The following KCNJ4 variants were observed in gnomAD, a reference collection of about 807,000 sequenced individuals.
KCNJ4 encodes the protein inward rectifier potassium channel 4.
A neutral mutation model predicts 25.6 loss-of-function variants in KCNJ4; 3 were observed. The ratio of observed to expected loss-of-function variants is 0.12; its 90% confidence interval spans 0.05 to 0.30. The LOEUF (loss-of-function observed/expected upper bound fraction) is 0.30. Among genes scored for constraint, KCNJ4 ranks in the 10% least tolerant of loss-of-function variants. The probability of loss-of-function intolerance (pLI) is 1.00; values close to 1 mark genes in which losing one functional copy is unlikely to be tolerated. For missense variants in KCNJ4, 286 were observed against 666.8 expected (o/e 0.43, Z 6.29); for synonymous variants, 257 against 283.9 (o/e 0.91, Z 0.95).
chr22:38,445,078 T>A (rs576500253), intron 1 of KCNJ4, among the ~76,000 whole-genome samples: 1 of 151,718 alleles, frequency 6.6e-6, no homozygotes. Context: ...TGTGTGCGTG[T>A]GTGTGTGTGA....
intron 1 of KCNJ4, among the ~76,000 whole-genome samples, chr22:38,448,827 G>A (rs2089393533): frequency 4.6e-5 from 7 of 152,172 alleles, no homozygotes; most frequent in Admixed American, 4.6e-4. Context: ...GCCAGGCTTG[G>A]TGGGGGCTTC....
intron 1 of KCNJ4, among the ~76,000 whole-genome samples, chr22:38,447,025 T>A (rs2089379799): frequency 6.2e-5 from 9 of 144,354 alleles, no homozygotes; most frequent in African/African-American, 1.8e-4. Context: ...CTCAGAGAGG[T>A]GAAAAACCTG....
chr22:38,446,182 G>A (rs571572746), intron 1 of KCNJ4, among the ~76,000 whole-genome samples: 1 of 152,362 alleles, frequency 6.6e-6, no homozygotes, highest in East Asian at 1.9e-4. Flanking sequence ...CCGGGCTGCT[G>A]ATGTAGCTGC....
At chr22:38,454,409 C>A (rs995918619) in intron 1 of KCNJ4, among the ~76,000 whole-genome samples, 1 of 152,124 alleles carries the variant, frequency 6.6e-6, no homozygotes, top group Non-Finnish European at 1.5e-5. Context: ...TCCCTACACA[C>A]GGAGGAAAAA....
At chr22:38,448,867 C>T (rs1024473345) in intron 1 of KCNJ4, among the ~76,000 whole-genome samples, 4 of 152,164 alleles carry the variant, frequency 2.6e-5, no homozygotes, top group Non-Finnish European at 5.9e-5. Context: ...GGAGCTCCTC[C>T]GCCCAACTGC....
At chr22:38,451,981 A>G (rs796249384) in intron 1 of KCNJ4, among the ~76,000 whole-genome samples, 8 of 152,262 alleles carry the variant, frequency 5.3e-5, no homozygotes, top group African/African-American at 1.9e-4. Context: ...CTGAGTGTCT[A>G]TGGTTTCAGA....
At chr22:38,453,658 T>C (rs2089422376) in intron 1 of KCNJ4, among the ~76,000 whole-genome samples, 1 of 151,910 alleles carries the variant, frequency 6.6e-6, no homozygotes, top group Non-Finnish European at 1.5e-5. Context: ...GGGAGTGACG[T>C]CCCCATGCCA....
At chr22:38,448,462 C>T (rs1470816637) in intron 1 of KCNJ4, among the ~76,000 whole-genome samples, 10 of 152,114 alleles carry the variant, frequency 6.6e-5, no homozygotes, top group Non-Finnish European at 7.4e-5. Flanking sequence ...AGCTGGGATT[C>T]GATCCCAGGC....
intron 1 of KCNJ4, among the ~76,000 whole-genome samples, chr22:38,441,678 C>T (rs894655517): frequency 1.3e-5 from 2 of 152,246 alleles, no homozygotes; most frequent in South Asian, 2.1e-4. Flanking sequence ...GGAGTGAGAA[C>T]AGTCAGGGCT....
chr22:38,427,790 T>C lies in KCNJ4; in HGVS notation c.343A>G (p.Ile115Val). Residue 115 changes from isoleucine to valine, a missense_variant, in exon 2 of 2, where the codon ATC becomes GTC. Ile to Val is a conservative substitution (Grantham distance 29). Around this residue, in one of 11 missense-constraint regions of KCNJ4, gnomAD observed 29 missense variants for 107.7 expected, o/e 0.27. Transcript: ENST00000303592. ...CCCAGGAAGCCGTTCACGTGCATGA[T>C]GCAGGGCTTGGGGGCCACCGGGGCT... ...GAAPVAPKPC[I>V]MHVNGFLGAF... 1 of 1,607,608 alleles carries C rather than the reference T, an allele frequency of 6.2e-7. No individual in the cohort carries two copies. The highest frequency in any genetic ancestry group is 8.5e-7 in the Non-Finnish European group (1 of 1,177,684).
chr22:38,431,906 CAA>C (rs1443071958), intron 1 of KCNJ4, among the ~76,000 whole-genome samples: 5 of 151,798 alleles, frequency 3.3e-5, no homozygotes, highest in Non-Finnish European at 7.4e-5. Context: ...AGGAGAGGGT[CAA>C]AAGGCCTTGA....
At chr22:38,437,221 A>G (rs2093067971) in intron 1 of KCNJ4, among the ~76,000 whole-genome samples, 1 of 152,238 alleles carries the variant, frequency 6.6e-6, no homozygotes, top group Admixed American at 6.5e-5. Context: ...AAGCTCCCCA[A>G]AATGTCCAGA....
intron 1 of KCNJ4, among the ~76,000 whole-genome samples, chr22:38,444,744 G>C (rs559149257): frequency 1.7e-4 from 26 of 152,164 alleles, no homozygotes; most frequent in African/African-American, 6.3e-4. Context: ...GCCTGCCATG[G>C]GGGGGGCCAC....
chr22:38,445,968 C>A (rs889855939), intron 1 of KCNJ4, among the ~76,000 whole-genome samples: 4 of 152,080 alleles, frequency 2.6e-5, no homozygotes, highest in African/African-American at 9.7e-5. Flanking sequence ...TCTGTTAGAC[C>A]CCCCAGCTCA....
intron 1 of KCNJ4, among the ~76,000 whole-genome samples, chr22:38,438,857 T>C (rs2089312400): frequency 6.6e-6 from 1 of 152,170 alleles, no homozygotes; most frequent in Non-Finnish European, 1.5e-5. Flanking sequence ...GCTGCGGATG[T>C]CCCCCTCAGG....
chr22:38,429,598 G>T (rs1475716760), intron 1 of KCNJ4, among the ~76,000 whole-genome samples: 2 of 152,152 alleles, frequency 1.3e-5, no homozygotes, highest in African/African-American at 4.8e-5. Flanking sequence ...CACTTCCCAG[G>T]AGCTGGTGAC....
intron 1 of KCNJ4, among the ~76,000 whole-genome samples, chr22:38,445,904 G>A (rs1478290698): frequency 1.3e-5 from 2 of 152,100 alleles, no homozygotes; most frequent in African/African-American, 4.8e-5. Flanking sequence ...CGGGCTTTGT[G>A]ACACACAACC....
intron 1 of KCNJ4, among the ~76,000 whole-genome samples, chr22:38,434,301 G>C (rs571336314): frequency 6.6e-6 from 1 of 152,306 alleles, no homozygotes; most frequent in African/African-American, 2.4e-5. Context: ...TCAGCCTTGG[G>C]GATCCGAGGA....
intron 1 of KCNJ4, among the ~76,000 whole-genome samples, chr22:38,452,765 G>A (rs1245914388): frequency 6.6e-6 from 1 of 151,560 alleles, no homozygotes; most frequent in African/African-American, 2.4e-5. Context: ...CTCCCCTCAG[G>A]GCCCCCATCT....
Sources: gnomAD v4.1 joint callset for allele counts (sites outside exome capture counted in the v4.1 genomes callset) on GRCh38, gnomAD v4.1.1 for gene constraint, gnomAD v4.1.1 regional missense constraint, MANE v1.5 for transcripts, NCBI Gene and HGNC (gene_info 2026-07-23, HGNC 2026-07-21) for gene names.